ELL: variants seen among roughly 807,000 people sequenced by gnomAD.
ELL encodes RNA polymerase II elongation factor ELL.
A neutral mutation model predicts 64.0 loss-of-function variants in ELL; 18 were observed. The ratio of observed to expected loss-of-function variants is 0.28; its 90% CI spans 0.19 to 0.42. The LOEUF (loss-of-function observed/expected upper bound fraction) is 0.42. Ranked by LOEUF, ELL falls within the 10% of genes least tolerant of loss-of-function variation. ELL has a pLI of 1.00. For missense variants in ELL, 797 were observed against 870.4 expected (o/e 0.92, Z 1.06); for synonymous variants, 399 against 376.2 (o/e 1.06, Z -0.70).
At chr19:18,472,260 G>A (rs1181227658) in intron 2 of ELL, 1 of 152,324 alleles carries the variant, frequency 6.6e-6, no homozygotes, top group East Asian at 1.9e-4. Context: ...ACCACACCTG[G>A]CCAGAAGACA....
At chr19:18,479,558 A>G (rs1025593555) in intron 1 of ELL, among the ~76,000 whole-genome samples, 1 of 151,580 alleles carries the variant, frequency 6.6e-6, no homozygotes, top group African/African-American at 2.4e-5. Flanking sequence ...AAAATACAAA[A>G]ATTAGCCAGG....
intron 1 of ELL, among the ~76,000 whole-genome samples, chr19:18,512,875 A>C (rs1438597197): frequency 2.0e-5 from 3 of 152,182 alleles, no homozygotes; most frequent in Non-Finnish European, 4.4e-5. Flanking sequence ...CCTGATCCCC[A>C]ATATGCAGTT....
At chr19:18,445,495 G>A (rs1974392563) in intron 10 of ELL, 1 of 410,296 alleles carries the variant, frequency 2.4e-6, no homozygotes, top group South Asian at 2.4e-5. Context: ...GTGGGGCACT[G>A]CTGTTGTGGG....
chr19:18,467,261 C>T (rs993451734), intron 2 of ELL, among the ~76,000 whole-genome samples: 11 of 152,072 alleles, frequency 7.2e-5, no homozygotes, highest in African/African-American at 2.7e-4. Context: ...TCTCCAGAGG[C>T]CCATCCTGCC....
intron 1 of ELL, among the ~76,000 whole-genome samples, chr19:18,474,600 C>T (rs4808805): frequency 0.29 from 44,307 of 152,172 alleles, 7,752 homozygotes; most frequent in African/African-American, 0.49. Flanking sequence ...TGGTGCAACA[C>T]GTCCATGGCC....
chr19:18,458,168 G>C, intron 6 of ELL, 37 bp downstream of exon 6: 1 of 1,601,648 alleles, frequency 6.2e-7, no homozygotes, highest in South Asian at 1.1e-5. Flanking sequence ...GCCTTCATGC[G>C]GGTGGGGACA....
intron 6 of ELL, among the ~76,000 whole-genome samples, chr19:18,457,123 TG>T (rs1974697399): frequency 6.6e-6 from 1 of 152,196 alleles, no homozygotes; most frequent in Non-Finnish European, 1.5e-5. Context: ...GCCAAGGGGC[TG>T]GCATGAGCCC....
chr19:18,465,448 T>C lies in ELL; in HGVS notation c.433A>G (p.Ser145Gly). 6.2e-7 allele frequency: 1 copy of C among 1,611,404 alleles called. No individual in the cohort carries two copies. Among genetic ancestry groups the C allele is most frequent in the Non-Finnish European group, 8.5e-7 (1 of 1,178,120 alleles). The stretch of plus-strand genomic sequence containing the variant: ...CCTCCAGCCTTGATGACAATGGCAC[T>C]TCGGCTCCGCGTCTCCTCCTCCGCC... ...AQAEEETRSRSAIVIKAGGRY... is the reference protein window; with the variant it reads ...AQAEEETRSRGAIVIKAGGRY... Residue 145 changes from serine to glycine, a missense_variant, in exon 4 of 12, where the codon AGT becomes GGT. Coordinates refer to ENST00000262809, the MANE Select transcript of ELL (RefSeq NM_006532.4).
chr19:18,445,749 T>C (rs1974401168), intron 10 of ELL, among the ~76,000 whole-genome samples: 1 of 152,014 alleles, frequency 6.6e-6, no homozygotes, highest in African/African-American at 2.4e-5. Flanking sequence ...AGGTGGCAGG[T>C]GGGGCGGCTA....
intron 2 of ELL, among the ~76,000 whole-genome samples, chr19:18,469,571 C>A (rs1600456706): frequency 1.3e-5 from 2 of 152,344 alleles, no homozygotes; most frequent in East Asian, 1.9e-4. Flanking sequence ...AGATGGCCCA[C>A]GCACAGCAGG....
rs763452063 is a variant in ELL at position 18,461,741 on chromosome 19, C to T, written c.581G>A (p.Ser194Asn). The part of the protein sequence containing the change: ...LASAIRKSGA[S>N]AVSGGSGVSQ... ...CACCCCGCTGCCCCCACTCACGGCA[C>T]TGGCACCACTCTTCCTGATGGCACT... is the stretch of plus-strand genomic sequence containing the variant. The change falls in exon 5 of 12, where the codon AGT becomes AAT. Residue 194 changes from serine (S) to asparagine (N), a missense_variant. Physicochemically the swap from Ser to Asn is conservative, Grantham distance 46. Transcript: ENST00000262809. 3.6e-5 allele frequency: 58 copies of T among 1,613,890 alleles called. No individual in the cohort carries two copies. The highest frequency in any genetic ancestry group is 1.3e-5 in the Non-Finnish European group (15 of 1,180,044).
intron 1 of ELL, among the ~76,000 whole-genome samples, chr19:18,517,315 T>C (rs1976150742): frequency 6.6e-6 from 1 of 152,166 alleles, no homozygotes; most frequent in African/African-American, 2.4e-5. Context: ...TGGAGTGCAG[T>C]GGTGCGATCT....
intron 1 of ELL, among the ~76,000 whole-genome samples, chr19:18,495,872 C>T (rs1975640163): frequency 6.6e-6 from 1 of 152,200 alleles, no homozygotes. Flanking sequence ...CCACTGAGGC[C>T]TCTTCTGATC....
chr19:18,483,189 C>T (rs1446661861), intron 1 of ELL, among the ~76,000 whole-genome samples: 1 of 152,170 alleles, frequency 6.6e-6, no homozygotes, highest in African/African-American at 2.4e-5. Flanking sequence ...TGCCTACACC[C>T]GTGGCTGCCA....
intron 10 of ELL, 93 bp from the exon 11 acceptor site, chr19:18,445,361 A>C: frequency 2.2e-5 from 12 of 534,300 alleles, no homozygotes; most frequent in East Asian, 1.0e-4. Context: ...AGAAGGGGGC[A>C]TGGGAGGGTG....
intron 1 of ELL, chr19:18,473,095 G>A: frequency 1.5e-6 from 1 of 677,628 alleles, no homozygotes; most frequent in Non-Finnish European, 2.6e-6. Flanking sequence ...GATGGACAGA[G>A]GGCTGGGGAC....
chr19:18,461,769 C>A lies in ELL; in HGVS notation c.553G>T (p.Ala185Ser). ...GCACCACTCTTCCTGATGGCACTCG[C>A]CAAGTTGATGGGGGTTGCCCGCTTC... is the stretch of plus-strand genomic sequence containing the variant. The part of the protein sequence containing the change: ...SRKRATPINL[A>S]SAIRKSGASA... The change falls in exon 5 of 12, where the codon GCG becomes TCG. Residue 185 changes from alanine (A) to serine (S), a missense_variant. Transcript: ENST00000262809. 1 of 1,614,106 alleles carries A rather than the reference C, an allele frequency of 6.2e-7. No homozygotes were observed. The highest frequency in any genetic ancestry group is 1.1e-5 in the South Asian group (1 of 91,088).
chr19:18,474,463 C>T (rs1975134792), intron 1 of ELL, among the ~76,000 whole-genome samples: 2 of 152,208 alleles, frequency 1.3e-5, no homozygotes, highest in African/African-American at 2.4e-5. Context: ...TGCCCCTGCA[C>T]GCTAACACCA....
At chr19:18,511,663 A>G (rs1035048000) in intron 1 of ELL, among the ~76,000 whole-genome samples, 1 of 152,176 alleles carries the variant, frequency 6.6e-6, no homozygotes, top group Non-Finnish European at 1.5e-5. Flanking sequence ...AGGTGGAAGT[A>G]CAGGGGGCCC....
Sources: allele counts gnomAD v4.1 joint callset (sites outside exome capture counted in the v4.1 genomes callset), GRCh38; gene constraint gnomAD v4.1.1; transcripts MANE v1.5; gene names NCBI Gene and HGNC (gene_info 2026-07-23, HGNC 2026-07-21).